Variants in HOXA6 observed in about 807,000 individuals in gnomAD.
HOXA6 encodes homeobox A6.
HOXA6 carries 19 observed loss-of-function variants against 23.2 expected under a neutral mutation model. That is an observed-to-expected ratio of 0.82 (90% confidence interval 0.57 to 1.20). The LOEUF (loss-of-function observed/expected upper bound fraction) is 1.20, where lower values mean the gene tolerates loss of function less well. Among genes scored for constraint, HOXA6 ranks in the 50% most tolerant of loss-of-function variants. The pLI is 0.00. For synonymous variants in HOXA6, 140 were observed against 132.6 expected (o/e 1.06, Z -0.38); for missense variants, 346 against 313.6 (o/e 1.10, Z -0.78).
At position 27,147,456 on chromosome 7, in the gene HOXA6, G is replaced by GC. The variant is rs1306284597; in HGVS notation, c.293dup (p.Gly100ArgfsTer26). 1 of 1,614,204 alleles carries GC rather than the reference G, an allele frequency of 6.2e-7. No homozygotes were observed. The highest frequency in any genetic ancestry group is 1.1e-5 in the South Asian group (1 of 91,086). ...GAGAAAAGTGCAGGTAGTCCCCGGG[G>GC]CCCCTCTGCTTGCCACTGCCCGAGG... On this transcript the variant is annotated frameshift_variant, in exon 1 of 2. Coordinates refer to ENST00000222728, the MANE Select transcript of HOXA6 (RefSeq NM_024014.4). LOFTEE classifies it high-confidence loss of function.
chr7:27,146,241 G>A (rs1254366594), intron 1 of HOXA6, among the ~76,000 whole-genome samples: 5 of 103,440 alleles, frequency 4.8e-5, no homozygotes, highest in East Asian at 2.7e-4. Context: ...TGCAGGGTGT[G>A]TGTGTGTGTT....
At chr7:27,146,596 T>C (rs1171457826) in intron 1 of HOXA6, among the ~76,000 whole-genome samples, 1 of 152,156 alleles carries the variant, frequency 6.6e-6, no homozygotes, top group Non-Finnish European at 1.5e-5. Context: ...GGCTAAGAGA[T>C]GGAGCTATAG....
At chr7:27,147,209 TC>T in intron 1 of HOXA6, 98 bp downstream of exon 1, 1 of 1,222,792 alleles carries the variant, frequency 8.2e-7, no homozygotes. Context: ...TTTCATCCTT[TC>T]TTTCTCTCTA....
chr7:27,146,840 A>G (rs1009803708), intron 1 of HOXA6, among the ~76,000 whole-genome samples: 2 of 152,180 alleles, frequency 1.3e-5, no homozygotes, highest in African/African-American at 4.8e-5. Flanking sequence ...GGCTTTGGGG[A>G]GACACTGGAA....
intron 1 of HOXA6, 43 bp downstream of exon 1, chr7:27,147,265 C>T (rs1469939934): frequency 1.3e-6 from 2 of 1,515,282 alleles, no homozygotes; most frequent in Non-Finnish European, 1.8e-6. Context: ...TCTTTTCCTG[C>T]CTCCTTTCCC....
chr7:27,146,045 T>G, intron 1 of HOXA6, 128 bp from the exon 2 acceptor site: 4 of 1,082,626 alleles, frequency 3.7e-6, no homozygotes, highest in Non-Finnish European at 5.2e-6. Context: ...TCTCCCACTA[T>G]GTCTGGGGCC....
At position 27,145,626 on chromosome 7, in the gene HOXA6, T is replaced by C. The variant is rs1301394163; in HGVS notation, c.*32A>G. Reference sequence around the variant, plus strand: ...GGCAAGGGGGCAAAGCCGAAGGAGGTTGCAGCGCTGGCCTGGTCCCTGCCC... The same window carrying C: ...GGCAAGGGGGCAAAGCCGAAGGAGGCTGCAGCGCTGGCCTGGTCCCTGCCC... On this transcript the variant is annotated 3_prime_UTR_variant, in exon 2 of 2. Transcript: ENST00000222728. 6.3e-7 allele frequency: 1 copy of C among 1,597,234 alleles called. No individual in the cohort carries two copies. Among genetic ancestry groups the C allele is most frequent in the Non-Finnish European group, 8.5e-7 (1 of 1,170,696 alleles).
Position 27,147,535 on chromosome 7 carries a change from T to C in HOXA6, c.215A>G (p.Tyr72Cys). 3.7e-6 allele frequency: 6 copies of C among 1,614,166 alleles called. No individual in the cohort carries two copies. Among genetic ancestry groups the C allele is most frequent in the African/African-American group, 1.3e-5 (1 of 75,034 alleles). ...NSVLACNRAS[Y>C]EYGASCFYSD... ...ATAGAAACACGAGGCCCCGTACTCG[T>C]AGGACGCCCGGTTGCAGGCCAGGAC... The change falls in exon 1 of 2, where the codon TAC (tyrosine) becomes TGC (cysteine). Residue 72 changes from tyrosine (Y) to cysteine (C), a missense_variant. By Grantham distance (194) the Tyr-to-Cys change is radical. Coordinates refer to ENST00000222728, the MANE Select transcript of HOXA6 (RefSeq NM_024014.4).
rs1782733621 is a variant in HOXA6 at position 27,145,684 on chromosome 7, C to T, written c.676G>A (p.Asp226Asn). 28 of 1,613,910 alleles carry T rather than the reference C, an allele frequency of 1.7e-5. No homozygotes were observed. The highest frequency in any genetic ancestry group is 4.0e-5 in the African/African-American group (3 of 74,926). Residue 226 changes from aspartate to asparagine, a missense_variant, in exon 2 of 2, where the codon GAC becomes AAC. Asp to Asn is a conservative substitution (Grantham distance 23). Transcript: ENST00000222728. ...LINSTQPSGE[D>N]SEAKAGE ...TACTCGCCCGCCTTTGCCTCTGAGT[C>T]CTCCCCGCTGGGCTGCGTGGAATTG...
chr7:27,146,973 G>C (rs576145982), intron 1 of HOXA6, among the ~76,000 whole-genome samples: 1 of 152,142 alleles, frequency 6.6e-6, no homozygotes, highest in Non-Finnish European at 1.5e-5. Flanking sequence ...AAGCTGAGCA[G>C]GGTACTCAGG....
chr7:27,145,679 T>G lies in HOXA6; in HGVS notation c.681A>C (p.Ser227=). The G allele has an allele frequency of 6.2e-7, 1 of 1,613,994 alleles. No homozygotes were observed. The highest frequency in any genetic ancestry group is 8.5e-7 in the Non-Finnish European group (1 of 1,179,930). The change falls in exon 2 of 2, where the codon TCA becomes TCC. Residue 227 remains serine (S), a synonymous_variant. Coordinates refer to ENST00000222728, the MANE Select transcript of HOXA6 (RefSeq NM_024014.4). ...GCATCTACTCGCCCGCCTTTGCCTCTGAGTCCTCCCCGCTGGGCTGCGTGG... is the reference window on the plus strand; with the variant it reads ...GCATCTACTCGCCCGCCTTTGCCTCGGAGTCCTCCCCGCTGGGCTGCGTGG... ...INSTQPSGED[S]EAKAGE
At chr7:27,145,940 G>A in intron 1 of HOXA6, 23 bp from the exon 2 acceptor site, 2 of 1,603,828 alleles carry the variant, frequency 1.2e-6, no homozygotes, top group African/African-American at 1.3e-5. Context: ...ACGGCCGGGC[G>A]CCGGTAAGCC....
At chr7:27,147,267 T>A (rs1214552476) in intron 1 of HOXA6, 41 bp downstream of exon 1, 1 of 1,538,790 alleles carries the variant, frequency 6.5e-7, no homozygotes, top group South Asian at 1.2e-5. Context: ...TTTTCCTGCC[T>A]CCTTTCCCCT....
At position 27,147,329 on chromosome 7, in the gene HOXA6, G is replaced by T. The variant is rs745909256; in HGVS notation, c.421C>A (p.Gln141Lys). 8 of 1,613,818 alleles carry T rather than the reference G, an allele frequency of 5.0e-6. No individual in the cohort carries two copies. In the South Asian group the frequency reaches 8.8e-5, roughly 18 times the overall value. ...KYTSPVYPWM[Q>K]RMNSCAGAVY... ...TTACCCGCGCAGGAGTTCATCCGCT[G>T]CATCCAAGGGTAAACCGGGCTCGTG... The change falls in exon 1 of 2, where the codon CAG (glutamine) becomes AAG (lysine). Residue 141 changes from glutamine to lysine, a missense_variant. Gln to Lys is a moderately conservative substitution (Grantham distance 53). Coordinates refer to ENST00000222728, the MANE Select transcript of HOXA6 (RefSeq NM_024014.4).
In HOXA6 at chr7:27,145,416, C is replaced by A. The variant is rs1007628772; in HGVS notation, c.*242G>T. The A allele has an allele frequency of 1.6e-6, 1 of 608,848 alleles. No homozygotes were observed. The highest frequency in any genetic ancestry group is 2.8e-6 in the Non-Finnish European group (1 of 354,364). The allele number at this position is 608,848 out of a possible 1,614,324, so 37.7% of individuals were successfully genotyped here. On this transcript the variant is annotated 3_prime_UTR_variant, in exon 2 of 2. Transcript: ENST00000222728. ...GGGACTGGGTGTGTGCAGTGCGCCCCGCTCCACCGCTGGTATTGGCTGTGT... is the reference window on the plus strand; with the variant it reads ...GGGACTGGGTGTGTGCAGTGCGCCCAGCTCCACCGCTGGTATTGGCTGTGT...
Position 27,147,439 on chromosome 7 carries a change from T to C in HOXA6, c.311A>G (p.His104Arg). 1 of 1,614,172 alleles carries C rather than the reference T, an allele frequency of 6.2e-7. No homozygotes were observed. Among genetic ancestry groups the C allele is most frequent in the Non-Finnish European group, 8.5e-7 (1 of 1,180,018 alleles). ...GKQRGPGDYL[H>R]FSPEQQYKPD... ...TTTGTACTGCTGCTCGGGAGAAAAG[T>C]GCAGGTAGTCCCCGGGGCCCCTCTG... The change falls in exon 1 of 2, where the codon CAC (histidine) becomes CGC (arginine). Residue 104 changes from histidine (H) to arginine (R), a missense_variant. Transcript: ENST00000222728.
Position 27,145,891 on chromosome 7 carries a change from GGC to G in HOXA6, c.467_468del (p.Arg156ProfsTer?). ...CAGAVYGSHG[R>X]RGRQTYTRYQ... Reference sequence around the variant, plus strand: ...TAGCGCGTGTAGGTCTGGCGGCCTCGGCGCCCATGGCTCCCATACACAGCACC... The same window carrying G: ...TAGCGCGTGTAGGTCTGGCGGCCTCGGCCCATGGCTCCCATACACAGCACC... On this transcript the variant is annotated frameshift_variant, in exon 2 of 2. Coordinates refer to ENST00000222728, the MANE Select transcript of HOXA6 (RefSeq NM_024014.4). LOFTEE classifies it high-confidence loss of function. The G allele has an allele frequency of 1.9e-6, 3 of 1,613,016 alleles. No individual in the cohort carries two copies. Among genetic ancestry groups the G allele is most frequent in the Non-Finnish European group, 2.5e-6 (3 of 1,179,710 alleles).
Position 27,145,555 on chromosome 7 carries a change from C to T in HOXA6, c.*103G>A. 1 of 1,430,966 alleles carries T rather than the reference C, an allele frequency of 7.0e-7. No homozygotes were observed. The highest frequency in any genetic ancestry group is 9.4e-7 in the Non-Finnish European group (1 of 1,063,402). 88.6% of individuals were successfully genotyped at this position (1,430,966 alleles called of 1,614,324 possible). On this transcript the variant is annotated 3_prime_UTR_variant, in exon 2 of 2. Transcript: ENST00000222728. ...CCGGGCTCCCCTGAAGCTGCGGAAG[C>T]CCCCAGATGGGAGCAGGCGGGGAGA...
chr7:27,146,159 A>G (rs996798191), intron 1 of HOXA6, among the ~76,000 whole-genome samples: 2 of 152,198 alleles, frequency 1.3e-5, no homozygotes, highest in African/African-American at 4.8e-5. Flanking sequence ...GCCTCATAGG[A>G]AAACCATTAC....
Sources: allele counts gnomAD v4.1 joint callset (sites outside exome capture counted in the v4.1 genomes callset), GRCh38; gene constraint gnomAD v4.1.1; transcripts MANE v1.5; gene names NCBI Gene and HGNC (gene_info 2026-07-23, HGNC 2026-07-21).